The following TYW1 variants were observed in gnomAD, a reference collection of about 807,000 sequenced individuals.
The protein encoded by TYW1 is S-adenosyl-L-methionine-dependent tRNA 4-demethylwyosine synthase TYW1.
Under a neutral mutation model 96.2 loss-of-function variants are expected in TYW1, and 46 were observed. The ratio of observed to expected loss-of-function variants is 0.48; its 90% CI spans 0.38 to 0.61. TYW1 has a LOEUF of 0.61. Ranked by LOEUF, TYW1 falls within the 20% of genes least tolerant of loss-of-function variation. The pLI, the probability that TYW1 is intolerant of heterozygous loss-of-function variation, is 0.00. For missense variants in TYW1, 684 were observed against 909.6 expected (o/e 0.75, Z 3.19); for synonymous variants, 274 against 323.0 (o/e 0.85, Z 1.63).
intron 3 of TYW1, among the ~76,000 whole-genome samples, chr7:67,005,360 C>T (rs1259419135): frequency 1.3e-5 from 2 of 152,154 alleles, no homozygotes; most frequent in African/African-American, 4.8e-5. Context: ...CTTTGGGAGG[C>T]CAAGGCAGGT....
chr7:67,206,103 AG>A (rs1800790015), intron 15 of TYW1, among the ~76,000 whole-genome samples: 1 of 152,240 alleles, frequency 6.6e-6, no homozygotes, highest in Non-Finnish European at 1.5e-5. Context: ...CCTAGTGAAC[AG>A]TAATGCCAAT....
chr7:67,120,357 A>G (rs1797726119), intron 13 of TYW1, among the ~76,000 whole-genome samples: 1 of 152,184 alleles, frequency 6.6e-6, no homozygotes, highest in Non-Finnish European at 1.5e-5. Flanking sequence ...TGCTGGGATT[A>G]CAGGTGTGAG....
intron 15 of TYW1, among the ~76,000 whole-genome samples, chr7:67,204,153 A>G (rs1278846940): frequency 6.6e-6 from 1 of 152,164 alleles, no homozygotes; most frequent in African/African-American, 2.4e-5. Flanking sequence ...TGCCCTTTAC[A>G]AATTGGGGGA....
chr7:67,095,980 C>T (rs772915936), intron 11 of TYW1, among the ~76,000 whole-genome samples: 20 of 152,310 alleles, frequency 1.3e-4, no homozygotes, highest in Non-Finnish European at 2.2e-4. Flanking sequence ...CGTTAATGAA[C>T]GTTTCTTGTG....
chr7:67,201,008 C>A (rs1366638383), intron 15 of TYW1, among the ~76,000 whole-genome samples: 1 of 152,026 alleles, frequency 6.6e-6, no homozygotes, highest in Admixed American at 6.5e-5. Flanking sequence ...CATTGAATGG[C>A]ATCCTAAATG....
chr7:67,068,691 T>C (rs3845174), intron 10 of TYW1, among the ~76,000 whole-genome samples: 50,956 of 151,986 alleles, frequency 0.34, 9,069 homozygotes, highest in African/African-American at 0.45. Flanking sequence ...GCTTCATTTA[T>C]CTGTAGTTTG....
At chr7:67,061,681 T>C (rs1319633085) in intron 9 of TYW1, among the ~76,000 whole-genome samples, 1 of 152,220 alleles carries the variant, frequency 6.6e-6, no homozygotes, top group South Asian at 2.1e-4. Context: ...AATTGTATCC[T>C]ACTTGAGAGC....
At chr7:67,095,807 G>A (rs894276078) in intron 11 of TYW1, among the ~76,000 whole-genome samples, 4 of 151,954 alleles carry the variant, frequency 2.6e-5, no homozygotes, top group Admixed American at 6.6e-5. Flanking sequence ...AGGGTCTGGC[G>A]GAACAGTGTG....
intron 8 of TYW1, among the ~76,000 whole-genome samples, chr7:67,054,637 T>C (rs1795454434): frequency 1.3e-5 from 2 of 152,356 alleles, no homozygotes; most frequent in South Asian, 4.1e-4. Context: ...AGTATGAATA[T>C]GGTTGTTTAA....
chr7:67,047,817 A>G (rs1406338370), intron 7 of TYW1, among the ~76,000 whole-genome samples: 2 of 115,334 alleles, frequency 1.7e-5, no homozygotes, highest in East Asian at 5.0e-4. Context: ...TTTGAGGCAG[A>G]GTCTCTGTCG....
chr7:67,101,000 A>G (rs1797070179), intron 12 of TYW1, among the ~76,000 whole-genome samples: 1 of 152,038 alleles, frequency 6.6e-6, no homozygotes, highest in African/African-American at 2.4e-5. Flanking sequence ...GTTTTCAAGG[A>G]TTCAGGGCGG....
At chr7:67,096,657 T>C (rs1035138294) in intron 11 of TYW1, among the ~76,000 whole-genome samples, 11 of 151,978 alleles carry the variant, frequency 7.2e-5, no homozygotes, top group Non-Finnish European at 1.6e-4. Context: ...TGGGGGTTTG[T>C]TGTACAGATT....
intron 13 of TYW1, among the ~76,000 whole-genome samples, chr7:67,154,660 C>T (rs1271021117): frequency 6.6e-6 from 1 of 152,124 alleles, no homozygotes; most frequent in Non-Finnish European, 1.5e-5. Context: ...CTAGAGAAGA[C>T]CTTTTTGGAT....
At chr7:67,052,428 T>C (rs1482339405) in intron 8 of TYW1, among the ~76,000 whole-genome samples, 1 of 152,254 alleles carries the variant, frequency 6.6e-6, no homozygotes, top group Non-Finnish European at 1.5e-5. Flanking sequence ...CTGTAATGTC[T>C]CATGTTCCGT....
chr7:67,117,678 G>C, intron 13 of TYW1, 60 bp downstream of exon 13: 3 of 1,395,192 alleles, frequency 2.2e-6, no homozygotes, highest in Non-Finnish European at 2.8e-6. Flanking sequence ...CTGAAGTTAA[G>C]AAGAAAGAAA....
chr7:67,233,517 G>C (rs1584726286), intron 15 of TYW1, among the ~76,000 whole-genome samples: 1 of 134,092 alleles, frequency 7.5e-6, no homozygotes, highest in Non-Finnish European at 1.6e-5. Context: ...TATTGCACTT[G>C]TGTGTTTTTA....
At chr7:67,211,150 TTGTGTGTGTGTGTGTGTGTGTGTG>T (rs61112149) in intron 15 of TYW1, among the ~76,000 whole-genome samples, 1 of 125,724 alleles carries the variant, frequency 8.0e-6, no homozygotes, top group Non-Finnish European at 1.7e-5. Context: ...CCCATCAACA[TTGTGTGTGTGTGTGTGTGTGTGTG>T]TGTGTGTGTG....
chr7:67,087,898 C>G (rs1274745476), intron 11 of TYW1, among the ~76,000 whole-genome samples: 5 of 152,106 alleles, frequency 3.3e-5, no homozygotes, highest in African/African-American at 4.8e-5. Flanking sequence ...GGGTCTCACT[C>G]TGTTGCCCAG....
chr7:67,226,622 G>A (rs61404757), intron 15 of TYW1, among the ~76,000 whole-genome samples: 1 of 151,916 alleles, frequency 6.6e-6, no homozygotes, highest in African/African-American at 2.4e-5. Context: ...CAGGGACACC[G>A]ATTTGAGTAA....
Sources: gnomAD v4.1 joint callset for allele counts (sites outside exome capture counted in the v4.1 genomes callset) on GRCh38, gnomAD v4.1.1 for gene constraint, MANE v1.5 for transcripts, NCBI Gene and HGNC (gene_info 2026-07-23, HGNC 2026-07-21) for gene names.